Variants in CTR9 observed in about 807,000 individuals in gnomAD.
CTR9 encodes the protein RNA polymerase-associated protein CTR9 homolog.
Under a neutral mutation model 152.1 loss-of-function variants are expected in CTR9, and 41 were observed. That is an observed-to-expected ratio of 0.27 (90% CI 0.21 to 0.35). The LOEUF is 0.35. Ranked by LOEUF, CTR9 falls within the 10% of genes least tolerant of loss-of-function variation. The pLI is 1.00. For synonymous variants in CTR9, 476 were observed against 496.2 expected, an observed-to-expected ratio of 0.96 and a Z score of 0.54; for missense variants, 917 against 1,424.4, an observed-to-expected ratio of 0.64 and a Z score of 5.73.
In CTR9 at chr11:10,763,811, G is replaced by T; in HGVS notation, c.1126G>T (p.Glu376Ter). The T allele has an allele frequency of 6.2e-7, 1 of 1,613,794 alleles. No homozygotes were observed. Among genetic ancestry groups the T allele is most frequent in the Non-Finnish European group, 8.5e-7 (1 of 1,179,958 alleles). The change falls in exon 9 of 25, where the codon GAA (glutamate) becomes TAA (stop). Residue 376 changes from glutamate (E) to a stop codon, truncating the protein, a stop_gained. Transcript: ENST00000361367. LOFTEE classifies it high-confidence loss of function. ...TTTGAAAGCTTATCCTAATAATTAC[G>T]AAACTATGAAAATTCTCGGCTCTCT... Reference protein sequence around the residue: ...KVLKAYPNNYETMKILGSLYA... With the variant: ...KVLKAYPNNY
intron 5 of CTR9, 124 bp downstream of exon 5, chr11:10,756,962 G>GTTT: frequency 6.1e-6 from 4 of 657,258 alleles, no homozygotes; most frequent in South Asian, 3.9e-5. Context: ...TCAGAATCAA[G>GTTT]TTTTTTTTTT....
At chr11:10,773,405 T>C (rs1271797548) in intron 21 of CTR9, 132 bp downstream of exon 21, 12 of 1,045,660 alleles carry the variant, frequency 1.1e-5, no homozygotes, top group Non-Finnish European at 1.7e-5. Context: ...GACAGTCTTC[T>C]AACACAGAGA....
intron 22 of CTR9, 74 bp downstream of exon 22, chr11:10,774,243 G>A: frequency 6.6e-7 from 1 of 1,507,356 alleles, no homozygotes; most frequent in Non-Finnish European, 8.8e-7. Flanking sequence ...TGAATCTTTT[G>A]ATGTTTAGAA....
At position 10,778,917 on chromosome 11, in the gene CTR9, A is replaced by G. The variant is rs1863286067; in HGVS notation, c.3334A>G (p.Ser1112Gly). The change falls in exon 25 of 25, where the codon AGC becomes GGC. Residue 1112 changes from serine to glycine, a missense_variant. Around this residue, in one of 9 missense-constraint regions of CTR9, gnomAD observed 384 missense variants for 398.4 expected, o/e 0.96. Transcript: ENST00000361367. ...SDNESVQSGR[S>G]HSGVSENDSR... is the part of the protein sequence containing the mutation. The stretch of plus-strand genomic sequence containing the variant: ...CAATGAATCTGTGCAGTCAGGGAGA[A>G]GCCACTCAGGAGTTTCTGAGAACGA... 1 of 1,614,106 alleles carries G rather than the reference A, an allele frequency of 6.2e-7. No homozygotes were observed. The highest frequency in any genetic ancestry group is 1.3e-5 in the African/African-American group (1 of 74,940).
chr11:10,760,435 A>C (rs1862958533), intron 6 of CTR9, 114 bp downstream of exon 6: 1 of 1,009,650 alleles, frequency 9.9e-7, no homozygotes, highest in African/African-American at 1.6e-5. Context: ...AGATTACAGA[A>C]GGGTACCTGT....
intron 5 of CTR9, 124 bp downstream of exon 5, chr11:10,756,962 GTT>G: frequency 1.5e-6 from 1 of 657,294 alleles, no homozygotes; most frequent in Non-Finnish European, 2.6e-6. Flanking sequence ...TCAGAATCAA[GTT>G]TTTTTTTTGA....
At chr11:10,772,378 A>G (rs763767338) in intron 19 of CTR9, 142 bp from the exon 20 acceptor site, 2 of 711,558 alleles carry the variant, frequency 2.8e-6, no homozygotes, top group Non-Finnish European at 4.0e-6. Context: ...GAAGAAAAAA[A>G]ACATTTTTTT....
Position 10,770,494 on chromosome 11 carries a change from A to T in CTR9, c.2234A>T (p.His745Leu). 1 of 1,612,268 alleles carries T rather than the reference A, an allele frequency of 6.2e-7. No individual in the cohort carries two copies. Among genetic ancestry groups the T allele is most frequent in the Non-Finnish European group, 8.5e-7 (1 of 1,179,428 alleles). Residue 745 changes from histidine to leucine, a missense_variant, in exon 18 of 25, where the codon CAT becomes CTT. His to Leu is a moderately conservative substitution (Grantham distance 99). Around this residue, in one of 9 missense-constraint regions of CTR9, gnomAD observed 106 missense variants for 157.8 expected, o/e 0.67. Transcript: ENST00000361367. The part of the protein sequence containing the change: ...ECKQTLLKAR[H>L]VAPSDTVLMF... ...TTTATTTTTTATTCACAGGCTAGAC[A>T]TGTGGCACCCAGTGATACAGTTCTT...
In CTR9 at chr11:10,778,662, A is replaced by G. The variant is rs1385976000; in HGVS notation, c.3096-17A>G. ...AGCCAGAATCCTCAGCTTCTAACCA[A>G]TGATCATCTTTGCCAGACATCCCAG... On this transcript the variant is annotated splice_polypyrimidine_tract_variant and intron_variant, in intron 24 of 24. Transcript: ENST00000361367. 2.5e-6 allele frequency: 4 copies of G among 1,602,520 alleles called. No individual in the cohort carries two copies. The Admixed American group carries it at 6.7e-5, about 27-fold the overall frequency.
In CTR9 at chr11:10,763,485, G is replaced by A; in HGVS notation, c.904G>A (p.Glu302Lys). 6.2e-7 allele frequency: 1 copy of A among 1,612,180 alleles called. No homozygotes were observed. The highest frequency in any genetic ancestry group is 8.5e-7 in the Non-Finnish European group (1 of 1,179,558). The change falls in exon 8 of 25, where the codon GAA becomes AAA. Residue 302 changes from glutamate to lysine, a missense_variant. Physicochemically the swap from Glu to Lys is moderately conservative, Grantham distance 56. Around this residue, in one of 9 missense-constraint regions of CTR9, gnomAD observed 16 missense variants for 67.4 expected, o/e 0.24. Coordinates refer to ENST00000361367, the MANE Select transcript of CTR9 (RefSeq NM_014633.5). ...CCATGCATTCCATAATACAGAAGTG[G>A]AAGCTATGCAAGCAGAGAGCTGCTA... ...ALHAFHNTEV[E>K]AMQAESCYQL...
chr11:10,768,125 A>G lies in CTR9; in HGVS notation c.1924A>G (p.Asn642Asp). 2 of 1,614,092 alleles carry G rather than the reference A, an allele frequency of 1.2e-6. No individual in the cohort carries two copies. The highest frequency in any genetic ancestry group is 8.5e-7 in the Non-Finnish European group (1 of 1,180,008). ...GGCCATCTACAAACAAGTACTCAGA[A>G]ATGATGCAAAGAATCTGTATGCTGC... is the stretch of plus-strand genomic sequence containing the variant. The part of the protein sequence containing the change: ...ALAIYKQVLR[N>D]DAKNLYAANG... Residue 642 changes from asparagine to aspartate, a missense_variant, in exon 15 of 25, where the codon AAT becomes GAT. Physicochemically the swap from Asn to Asp is conservative, Grantham distance 23 (BLOSUM62 1). Transcript: ENST00000361367.
At chr11:10,770,398 T>A in intron 17 of CTR9, 72 bp downstream of exon 17, 1 of 1,572,676 alleles carries the variant, frequency 6.4e-7, no homozygotes, top group Non-Finnish European at 8.7e-7. Context: ...GTGATGCGTG[T>A]TCACATACCT....
At chr11:10,768,041 T>G (rs772942095) in intron 14 of CTR9, 33 bp from the exon 15 acceptor site, 4 of 1,613,870 alleles carry the variant, frequency 2.5e-6, no homozygotes. Context: ...ACATTCTCGT[T>G]TGAATCTTTT....
In CTR9 at chr11:10,763,891, T is replaced by C; in HGVS notation, c.1194+12T>C. 6.3e-7 allele frequency: 1 copy of C among 1,577,264 alleles called. No individual in the cohort carries two copies. The highest frequency in any genetic ancestry group is 8.6e-7 in the Non-Finnish European group (1 of 1,160,062). Reference sequence around the variant, plus strand: ...GAGATATTGCCAAGGTACATCTTTTTTTTAAAGTCTTAGCTGTTTTCTGTT... The same window carrying C: ...GAGATATTGCCAAGGTACATCTTTTCTTTAAAGTCTTAGCTGTTTTCTGTT... On this transcript the variant is annotated intron_variant, in intron 9 of 24. Coordinates refer to ENST00000361367, the MANE Select transcript of CTR9 (RefSeq NM_014633.5).
rs1337169914 is a variant in CTR9 at position 10,767,859 on chromosome 11, A to G, written c.1740A>G (p.Glu580=). ...LIGNLHLAKQ[E]WGPGQKKFER... ...GCAATCTTCATTTGGCAAAACAAGA[A>G]TGGGGTCCTGGGCAGAAGAAGTTTG... Residue 580 remains glutamate (E), a synonymous_variant, in exon 14 of 25, where the codon GAA becomes GAG. Coordinates refer to ENST00000361367, the MANE Select transcript of CTR9 (RefSeq NM_014633.5). This position sits in a 1 kb window ranked among gnomAD's most constrained non-coding sequence, Gnocchi z 4.0. 6.2e-7 allele frequency: 1 copy of G among 1,614,144 alleles called. No individual in the cohort carries two copies. Among genetic ancestry groups the G allele is most frequent in the Non-Finnish European group, 8.5e-7 (1 of 1,179,996 alleles).
chr11:10,777,154 C>T (rs1863252794), intron 24 of CTR9, among the ~76,000 whole-genome samples: 1 of 151,812 alleles, frequency 6.6e-6, no homozygotes, highest in Non-Finnish European at 1.5e-5. Flanking sequence ...AATTGGGATT[C>T]CTGAGGCAGA....
At position 10,775,644 on chromosome 11, in the gene CTR9, T is replaced by G. The variant is rs1435772293; in HGVS notation, c.3095+11T>G. 1.9e-6 allele frequency: 3 copies of G among 1,556,342 alleles called. No individual in the cohort carries two copies. In the African/African-American group the frequency reaches 4.1e-5, roughly 21 times the overall value. On this transcript the variant is annotated intron_variant, in intron 24 of 24. Coordinates refer to ENST00000361367, the MANE Select transcript of CTR9 (RefSeq NM_014633.5). ...AATTGCTGATGAAGGGTAGGATATT[T>G]TCTCTTTGTAAATTCTTCTCATGAT...
intron 16 of CTR9, 54 bp downstream of exon 16, chr11:10,768,545 G>A: frequency 1.3e-6 from 2 of 1,535,764 alleles, no homozygotes; most frequent in Non-Finnish European, 8.7e-7. Flanking sequence ...TTAAGCAGAT[G>A]TTTTCTTAGC....
At chr11:10,775,457 C>A in intron 23 of CTR9, 64 bp from the exon 24 acceptor site, 3 of 1,449,860 alleles carry the variant, frequency 2.1e-6, no homozygotes, top group Admixed American at 3.7e-5. Context: ...TAATGCAAAC[C>A]CAATTTAACA....
Sources: allele counts gnomAD v4.1 joint callset (sites outside exome capture counted in the v4.1 genomes callset), GRCh38; gene constraint gnomAD v4.1.1; regional missense constraint gnomAD v4.1.1; non-coding constraint Gnocchi (gnomAD v3.1); transcripts MANE v1.5; gene names NCBI Gene and HGNC (gene_info 2026-07-23, HGNC 2026-07-21).